SPAG16: variants seen among roughly 807,000 people sequenced by gnomAD.
SPAG16 encodes sperm associated antigen 16.
In SPAG16, 86 loss-of-function variants were observed where a neutral mutation model predicts 80.4. The observed-to-expected ratio is 1.07, with a 90% CI of 0.90 to 1.28. The LOEUF is 1.28. Ranked by LOEUF, SPAG16 falls within the 50% of genes most tolerant of loss-of-function variation. SPAG16 has a pLI of 0.00. For synonymous variants in SPAG16, 294 were observed against 265.9 expected (o/e 1.11, Z -1.03); for missense variants, 870 against 765.3 (o/e 1.14, Z -1.61).
chr2:214,092,483 G>A (rs2052281352), intron 13 of SPAG16, among the ~76,000 whole-genome samples: 1 of 148,250 alleles, frequency 6.7e-6, no homozygotes, highest in Non-Finnish European at 1.5e-5. Context: ...TCCTTTGTCT[G>A]TGTTACTATG....
At chr2:214,139,002 A>T (rs942561485) in intron 14 of SPAG16, among the ~76,000 whole-genome samples, 1 of 152,160 alleles carries the variant, frequency 6.6e-6, no homozygotes, top group Non-Finnish European at 1.5e-5. Context: ...ATCTACTCCA[A>T]ATAAAACACT....
At chr2:213,607,636 C>A (rs1368503584) in intron 10 of SPAG16, among the ~76,000 whole-genome samples, 1 of 152,184 alleles carries the variant, frequency 6.6e-6, no homozygotes, top group Non-Finnish European at 1.5e-5. Context: ...GGCTTAGATG[C>A]ACACCGGAAT....
At chr2:214,336,883 T>G (rs1697326885) in intron 15 of SPAG16, among the ~76,000 whole-genome samples, 1 of 62,860 alleles carries the variant, frequency 1.6e-5, no homozygotes. Context: ...AGGATTAATG[T>G]TAGATATTAA....
At chr2:213,322,117 A>G (rs2063639664) in intron 5 of SPAG16, among the ~76,000 whole-genome samples, 1 of 151,092 alleles carries the variant, frequency 6.6e-6, no homozygotes, top group Non-Finnish European at 1.5e-5. Context: ...AAAAAAAAAG[A>G]TTATAAAACA....
At chr2:214,188,408 A>T (rs2057547971) in intron 15 of SPAG16, among the ~76,000 whole-genome samples, 1 of 152,182 alleles carries the variant, frequency 6.6e-6, no homozygotes, top group African/African-American at 2.4e-5. Flanking sequence ...ATCTTTGTTT[A>T]TGCACAATCA....
At chr2:214,209,534 C>T (rs1470025813) in intron 15 of SPAG16, among the ~76,000 whole-genome samples, 1 of 152,164 alleles carries the variant, frequency 6.6e-6, no homozygotes, top group Non-Finnish European at 1.5e-5. Context: ...TTCTTTCTTG[C>T]TCTTGCTCTT....
At position 214,250,749 on chromosome 2, in the gene SPAG16, T is replaced by TAGAGAGAG. The variant is rs377538514; in HGVS notation, c.1720+101484_1720+101485insGAGAGAGA. Among the ~76,000 whole-genome samples, 414 of 92,706 alleles carry TAGAGAGAG rather than the reference T, an allele frequency of 4.5e-3. 1 individual carries two copies. The highest frequency in any genetic ancestry group is 7.7e-3 in the Non-Finnish European group (320 of 41,742). 60.8% of individuals were successfully genotyped at this position (92,706 alleles called of 152,430 possible). A position where few individuals can be genotyped will look rare whatever the true frequency, so the allele number is the denominator to read the frequency against. On this transcript the variant is annotated intron_variant, in intron 15 of 15. Coordinates refer to ENST00000331683, the MANE Select transcript of SPAG16 (RefSeq NM_024532.5). ...GAGCTTTGAGATATATATATATATA[T>TAGAGAGAG]ATATATATAGAGAGAGAGAGAGAGA...
intron 12 of SPAG16, among the ~76,000 whole-genome samples, chr2:213,983,613 T>A (rs1390322989): frequency 6.6e-6 from 1 of 151,996 alleles, no homozygotes; most frequent in Non-Finnish European, 1.5e-5. Context: ...GGGGCACCAA[T>A]CACTGCATTA....
intron 10 of SPAG16, among the ~76,000 whole-genome samples, chr2:213,617,499 G>A (rs1422667615): frequency 1.8e-4 from 27 of 152,076 alleles, no homozygotes; most frequent in Non-Finnish European, 1.5e-5. Context: ...CCACCACCAT[G>A]TTCAGCTAGT....
intron 10 of SPAG16, among the ~76,000 whole-genome samples, chr2:213,596,050 A>G (rs2124947329): frequency 6.6e-6 from 1 of 152,220 alleles, no homozygotes; most frequent in African/African-American, 2.4e-5. Flanking sequence ...AAATGATTAT[A>G]AATTACCAGC....
chr2:213,362,133 T>C (rs796747875), intron 7 of SPAG16, among the ~76,000 whole-genome samples: 23 of 152,212 alleles, frequency 1.5e-4, no homozygotes, highest in African/African-American at 5.5e-4. Context: ...CACTCAAACA[T>C]CAAACAATAA....
At chr2:214,122,500 A>G (rs77897955) in intron 14 of SPAG16, among the ~76,000 whole-genome samples, 1 of 151,994 alleles carries the variant, frequency 6.6e-6, no homozygotes, top group East Asian at 1.9e-4. Flanking sequence ...AAGGAAGTTG[A>G]ATTTCTGATT....
At chr2:213,829,912 C>G (rs2073531641) in intron 10 of SPAG16, among the ~76,000 whole-genome samples, 1 of 152,068 alleles carries the variant, frequency 6.6e-6, no homozygotes, top group Admixed American at 6.6e-5. Flanking sequence ...TCCTTCTCCT[C>G]TCATGAAGTG....
At chr2:213,645,906 T>G (rs2125130121) in intron 10 of SPAG16, among the ~76,000 whole-genome samples, 2 of 152,326 alleles carry the variant, frequency 1.3e-5, no homozygotes, top group Middle Eastern at 3.4e-3. Flanking sequence ...TGTGCTGAGG[T>G]TTGAAGGCAC....
At chr2:213,409,040 A>C (rs903668206) in intron 9 of SPAG16, among the ~76,000 whole-genome samples, 6 of 152,140 alleles carry the variant, frequency 3.9e-5, no homozygotes, top group Admixed American at 3.3e-4. Context: ...CAAGAGGGAA[A>C]AAAAAAAGTG....
At chr2:213,409,117 T>G (rs112032912) in intron 9 of SPAG16, among the ~76,000 whole-genome samples, 2 of 23,072 alleles carry the variant, frequency 8.7e-5, no homozygotes, top group African/African-American at 1.9e-4. Flanking sequence ...AAATTAACTG[T>G]TTTTTTTTTT....
At chr2:214,006,906 C>T (rs1314957440) in intron 12 of SPAG16, among the ~76,000 whole-genome samples, 1 of 152,152 alleles carries the variant, frequency 6.6e-6, no homozygotes, top group Non-Finnish European at 1.5e-5. Flanking sequence ...GTTTCGGAAA[C>T]TATGTGAGCT....
At chr2:214,234,076 C>CT in intron 15 of SPAG16, among the ~76,000 whole-genome samples, 1 of 151,644 alleles carries the variant, frequency 6.6e-6, no homozygotes, top group Non-Finnish European at 1.5e-5. Context: ...GTGTTGTTTC[C>CT]CCCCCCATGT....
At chr2:213,909,242 G>A (rs1245109523) in intron 11 of SPAG16, among the ~76,000 whole-genome samples, 106 of 152,124 alleles carry the variant, frequency 7.0e-4, no homozygotes, top group African/African-American at 2.1e-3. Flanking sequence ...ACAAAGAAAT[G>A]GAAGAACATT....
Sources: gnomAD v4.1 joint callset for allele counts (sites outside exome capture counted in the v4.1 genomes callset) on GRCh38, gnomAD v4.1.1 for gene constraint, MANE v1.5 for transcripts, NCBI Gene and HGNC (gene_info 2026-07-23, HGNC 2026-07-21) for gene names.